Variants in TRPC5 observed in about 807,000 individuals in gnomAD.
The protein encoded by TRPC5 is transient receptor potential cation channel subfamily C member 5, also known as short transient receptor potential channel 5.
In TRPC5, 9 loss-of-function variants were observed where a neutral mutation model predicts 56.5. That is an observed-to-expected ratio of 0.16 (90% CI 0.10 to 0.28). The LOEUF (loss-of-function observed/expected upper bound fraction) is 0.28. Ranked by LOEUF, TRPC5 falls within the 10% of genes least tolerant of loss-of-function variation. TRPC5 has a pLI of 1.00. For missense variants in TRPC5, 469 were observed against 748.9 expected, an observed-to-expected ratio of 0.63 and a Z score of 4.36; for synonymous variants, 282 against 278.5, an observed-to-expected ratio of 1.01 and a Z score of -0.13.
intron 1 of TRPC5, among the ~76,000 whole-genome samples, chrX:112,015,458 A>G (rs191417911): frequency 2.2e-4 from 24 of 110,197 alleles, no homozygotes; most frequent in Non-Finnish European, 4.4e-4. Context: ...GCCTCAAGTT[A>G]TCTTCCCACC....
At chrX:111,857,384 G>A (rs1422216915) in intron 3 of TRPC5, among the ~76,000 whole-genome samples, 1 of 111,708 alleles carries the variant, frequency 9.0e-6, no homozygotes, top group Admixed American at 9.5e-5. Context: ...GTAATGGATG[G>A]GGTGTGGGAG....
chrX:111,769,884 T>G lies in TRPC5; in HGVS notation c.*6429A>C, dbSNP rs1365585317. ...TGGCAATTTCTAAATTCCTAAAAAT[T>G]TAATCTTATAGGATCATGATTTTCT... On this transcript the variant is annotated 3_prime_UTR_variant, in exon 11 of 11. Coordinates refer to ENST00000262839, the MANE Select transcript of TRPC5 (RefSeq NM_012471.3). 6.3e-5 allele frequency among the ~76,000 whole-genome samples: 7 copies of G among 111,822 alleles called. No individual in the cohort carries two copies. The highest frequency in any genetic ancestry group is 3.7e-4 in the South Asian group (1 of 2,686).
At chrX:111,954,357 C>A (rs1927171601) in intron 1 of TRPC5, among the ~76,000 whole-genome samples, 1 of 111,920 alleles carries the variant, frequency 8.9e-6, no homozygotes, top group East Asian at 2.8e-4. Context: ...CAACCCTGCT[C>A]ATTGAAGGCT....
At chrX:111,938,362 G>A (rs1213715061) in intron 2 of TRPC5, among the ~76,000 whole-genome samples, 8 of 103,105 alleles carry the variant, frequency 7.8e-5, no homozygotes, top group Non-Finnish European at 1.2e-4. Context: ...TAATTGCCCT[G>A]GCCAGAACTT....
intron 7 of TRPC5, among the ~76,000 whole-genome samples, chrX:111,825,008 G>T (rs1187072099): frequency 9.0e-6 from 1 of 111,194 alleles, no homozygotes; most frequent in Non-Finnish European, 1.9e-5. Flanking sequence ...AGTTCAATTT[G>T]TACTTCCTAA....
At chrX:111,829,799 C>T (rs780352788) in intron 7 of TRPC5, among the ~76,000 whole-genome samples, 1 of 113,365 alleles carries the variant, frequency 8.8e-6, no homozygotes, top group Non-Finnish European at 1.9e-5. Flanking sequence ...CAGAGGTGTG[C>T]TGCAGGGGCA....
intron 6 of TRPC5, 24 bp downstream of exon 6, chrX:111,847,090 A>G: frequency 6.0e-6 from 7 of 1,163,046 alleles, no homozygotes; most frequent in Non-Finnish European, 8.0e-6. Context: ...AAATAAATAA[A>G]TAAAGGAAAG....
intron 3 of TRPC5, among the ~76,000 whole-genome samples, chrX:111,857,192 T>A (rs775034588): frequency 4.5e-5 from 5 of 112,009 alleles, no homozygotes; most frequent in Non-Finnish European, 7.5e-5. Context: ...GAGGATGGAT[T>A]AGAAGCAGAG....
At chrX:111,844,460 C>CTTTT (rs746423281) in intron 6 of TRPC5, among the ~76,000 whole-genome samples, 4 of 95,389 alleles carry the variant, frequency 4.2e-5, no homozygotes, top group South Asian at 4.7e-4. Context: ...TTCTTTCTTT[C>CTTTT]TTTTTTTTTT....
In TRPC5 at chrX:112,075,982, G is replaced by A. The variant is rs937993881; in HGVS notation, c.-22+5897C>T. ...ACAGTGATCCCTGTGTCAGACTTCA[G>A]AACTACAGAACTATAACGATAATAA... is the stretch of plus-strand genomic sequence containing the variant. On this transcript the variant is annotated intron_variant, in intron 1 of 10. Coordinates refer to ENST00000262839, the MANE Select transcript of TRPC5 (RefSeq NM_012471.3). Among the ~76,000 whole-genome samples the A allele has an allele frequency of 1.4e-4, 16 of 111,931 alleles. 1 individual carries two copies.
rs1402746708 is a variant in TRPC5, at chrX:111,774,619, T to A, written c.*1694A>T. 9.0e-6 allele frequency: 1 copy of A among 111,318 alleles called. No homozygotes were observed. Among genetic ancestry groups the A allele is most frequent in the African/African-American group, 3.3e-5 (1 of 30,667 alleles). The allele number at this position is 111,318 out of a possible 1,213,427, so 9.2% of individuals were successfully genotyped here. ...GGCTTTATTCTTCAAAACCTCCTCCTATTTCTGGCCCCTCCCCCTCCATTT... is the reference window on the plus strand; with the variant it reads ...GGCTTTATTCTTCAAAACCTCCTCCAATTTCTGGCCCCTCCCCCTCCATTT... On this transcript the variant is annotated 3_prime_UTR_variant, in exon 11 of 11. Coordinates refer to ENST00000262839, the MANE Select transcript of TRPC5 (RefSeq NM_012471.3).
At chrX:111,862,518 A>G (rs1923433062) in intron 3 of TRPC5, among the ~76,000 whole-genome samples, 1 of 112,279 alleles carries the variant, frequency 8.9e-6, no homozygotes, top group Non-Finnish European at 1.9e-5. Context: ...CTAAGAAATC[A>G]TTGCCCAATC....
At chrX:111,952,548 C>T in intron 1 of TRPC5, 107 bp from the exon 2 acceptor site, 1 of 770,242 alleles carries the variant, frequency 1.3e-6, no homozygotes. Context: ...TCCTAAACTA[C>T]TTCAATGACG....
chrX:111,924,206 A>G (rs1489672687), intron 2 of TRPC5, among the ~76,000 whole-genome samples: 1 of 111,837 alleles, frequency 8.9e-6, no homozygotes, highest in Admixed American at 9.5e-5. Flanking sequence ...ATAGGACTCA[A>G]TATAAATAAA....
intron 1 of TRPC5, among the ~76,000 whole-genome samples, chrX:112,049,614 C>A (rs1343529155): frequency 9.2e-6 from 1 of 108,673 alleles, no homozygotes; most frequent in East Asian, 2.8e-4. Context: ...AGTGATCCTC[C>A]CACCTCAGCC....
chrX:111,804,150 C>A (rs1921414761), intron 7 of TRPC5, among the ~76,000 whole-genome samples: 2 of 111,872 alleles, frequency 1.8e-5, no homozygotes, highest in Admixed American at 9.5e-5. Flanking sequence ...TGTCAAAGAT[C>A]AGATGGTTGT....
chrX:111,951,161 T>C (rs1927078048), intron 2 of TRPC5, among the ~76,000 whole-genome samples: 1 of 112,047 alleles, frequency 8.9e-6, no homozygotes, highest in Non-Finnish European at 1.9e-5. Context: ...AACTTGATTG[T>C]ACATGAGAAT....
At chrX:111,989,544 C>A (rs1299789677) in intron 1 of TRPC5, among the ~76,000 whole-genome samples, 1 of 111,776 alleles carries the variant, frequency 8.9e-6, no homozygotes, top group Non-Finnish European at 1.9e-5. Flanking sequence ...CATGAATGAG[C>A]CTAACTCATT....
chrX:111,802,472 A>C (rs1038873802), intron 7 of TRPC5, among the ~76,000 whole-genome samples: 2 of 111,854 alleles, frequency 1.8e-5, no homozygotes, highest in Non-Finnish European at 3.8e-5. Context: ...CAAAGCAGTA[A>C]AAAAAATTCC....
Sources: allele counts gnomAD v4.1 joint callset (sites outside exome capture counted in the v4.1 genomes callset), GRCh38; gene constraint gnomAD v4.1.1; transcripts MANE v1.5; gene names NCBI Gene and HGNC (gene_info 2026-07-23, HGNC 2026-07-21).